Variants in BID observed in about 807,000 individuals in gnomAD.
BID encodes BH3-interacting domain death agonist.
In BID, 19 loss-of-function variants were observed where a neutral mutation model predicts 17.4. The observed-to-expected ratio is 1.09, with a 90% CI of 0.76 to 1.60. The LOEUF (loss-of-function observed/expected upper bound fraction) is 1.60. Ranked by LOEUF, BID falls within the 40% of genes most tolerant of loss-of-function variation. The pLI, the probability that BID is intolerant of heterozygous loss-of-function variation, is 0.00. For synonymous variants in BID, 108 were observed against 102.8 expected (o/e 1.05, Z -0.31); for missense variants, 226 against 256.0 (o/e 0.88, Z 0.80).
At chr22:17,748,159 A>G (rs1213371349) in intron 2 of BID, among the ~76,000 whole-genome samples, 3 of 149,508 alleles carry the variant, frequency 2.0e-5, no homozygotes, top group Non-Finnish European at 3.0e-5. Flanking sequence ...CAGTGAGCGG[A>G]GATCACATCA....
At chr22:17,743,445 T>C (rs963372881) in intron 3 of BID, among the ~76,000 whole-genome samples, 1 of 152,256 alleles carries the variant, frequency 6.6e-6, no homozygotes, top group African/African-American at 2.4e-5. Flanking sequence ...TTGGGTTATA[T>C]AATCCAGACA....
intron 2 of BID, among the ~76,000 whole-genome samples, chr22:17,745,327 T>A (rs2061488377): frequency 6.6e-6 from 1 of 151,970 alleles, no homozygotes; most frequent in African/African-American, 2.4e-5. Context: ...CCTTGGCCTC[T>A]CAAAGTGCTG....
In BID at chr22:17,735,201, A is replaced by AATT. The variant is rs776421618; in HGVS notation, c.*376_*378dup. The stretch of plus-strand genomic sequence containing the variant: ...CTATGGTTGTACTTTAATAAACAGT[A>AATT]ATTTTTTTTTACCAAAAAAATTGTA... On this transcript the variant is annotated 3_prime_UTR_variant, in exon 6 of 6. Transcript: ENST00000622694. 1.8e-5 allele frequency: 4 copies of AATT among 224,792 alleles called. No homozygotes were observed. The highest frequency in any genetic ancestry group is 2.7e-5 in the Non-Finnish European group (3 of 112,622). 13.9% of individuals were successfully genotyped at this position (224,792 alleles called of 1,614,324 possible).
intron 5 of BID, among the ~76,000 whole-genome samples, chr22:17,736,164 A>C (rs1309993170): frequency 6.6e-6 from 1 of 152,206 alleles, no homozygotes; most frequent in Non-Finnish European, 1.5e-5. Flanking sequence ...ACATGTCATA[A>C]AATCCCAAAC....
At chr22:17,766,341 G>A (rs1476026370) in intron 1 of BID, among the ~76,000 whole-genome samples, 1 of 149,964 alleles carries the variant, frequency 6.7e-6, no homozygotes, top group African/African-American at 2.5e-5. Context: ...GAGTGCAGTG[G>A]CGCGATCTCA....
At chr22:17,763,038 G>A (rs1464599319) in intron 1 of BID, among the ~76,000 whole-genome samples, 1 of 151,666 alleles carries the variant, frequency 6.6e-6, no homozygotes, top group Non-Finnish European at 1.5e-5. Context: ...CACCTCATCC[G>A]GCTAATTTTT....
chr22:17,769,123 G>A lies in BID; in HGVS notation c.-59+5258C>T, dbSNP rs2061700925. Among the ~76,000 whole-genome samples the A allele has an allele frequency of 6.6e-6, 1 of 152,250 alleles. No homozygotes were observed. Among genetic ancestry groups the A allele is most frequent in the South Asian group, 2.1e-4 (1 of 4,838 alleles). ...AGGCTTTCACCACATCCCAGGCAGA[G>A]TCCAAGTCAGGGCAGAGCCTCACAG... On this transcript the variant is annotated intron_variant, in intron 1 of 5. Transcript: ENST00000622694. The surrounding 1 kb of genome is among the most constrained non-coding windows in gnomAD (Gnocchi z 4.8).
chr22:17,752,516 C>T (rs2061547025), intron 1 of BID, among the ~76,000 whole-genome samples: 1 of 152,220 alleles, frequency 6.6e-6, no homozygotes, highest in Non-Finnish European at 1.5e-5. Context: ...ATACCACTGA[C>T]CCATACCGAT....
intron 3 of BID, chr22:17,740,172 C>T (rs780775569): frequency 9.3e-6 from 15 of 1,611,566 alleles, no homozygotes; most frequent in Middle Eastern, 1.6e-4. Context: ...TATTGTCTGA[C>T]GCCCCTGCCA....
At chr22:17,765,352 T>C (rs1176687364) in intron 1 of BID, among the ~76,000 whole-genome samples, 4 of 152,216 alleles carry the variant, frequency 2.6e-5, no homozygotes, top group Non-Finnish European at 4.4e-5. Flanking sequence ...CAGGCCAAGA[T>C]ACGGCCTCTT....
At position 17,735,305 on chromosome 22, in the gene BID, G is replaced by A. The variant is rs181869684; in HGVS notation, c.*275C>T. The A allele has an allele frequency of 4.6e-5, 21 of 454,978 alleles. No homozygotes were observed. The highest frequency in any genetic ancestry group is 7.4e-5 in the Non-Finnish European group (19 of 255,538). 28.2% of individuals were successfully genotyped at this position (454,978 alleles called of 1,614,324 possible). ...CCTGCACAGTGGAAATAAAGGCACC[G>A]TGTGTAGATTTACAGATGTGCAGAT... On this transcript the variant is annotated 3_prime_UTR_variant, in exon 6 of 6. Transcript: ENST00000622694.
chr22:17,774,268 G>C (rs1464003173), intron 1 of BID, 113 bp downstream of exon 1: 1 of 151,950 alleles, frequency 6.6e-6, no homozygotes, highest in African/African-American at 2.4e-5. Flanking sequence ...CTCCCACCGC[G>C]GTCGGGCCCA....
intron 3 of BID, among the ~76,000 whole-genome samples, chr22:17,742,093 T>G (rs1343181552): frequency 1.3e-5 from 2 of 152,118 alleles, no homozygotes; most frequent in Non-Finnish European, 2.9e-5. Context: ...TCCAGCCGAG[T>G]GAACGGACTC....
Position 17,735,484 on chromosome 22 carries a change from C to T in BID, c.*96G>A, listed in dbSNP as rs1271950245. On this transcript the variant is annotated 3_prime_UTR_variant, in exon 6 of 6. Transcript: ENST00000622694. ...TCTTCCAGCCTGTCTTCTCTAGGAA[C>T]GCTGTTGACATGCCAGGGCTCCGTC... 9.1e-6 allele frequency: 13 copies of T among 1,430,848 alleles called. No individual in the cohort carries two copies. The highest frequency in any genetic ancestry group is 2.3e-5 in the South Asian group (2 of 85,928). 88.6% of individuals were successfully genotyped at this position (1,430,848 alleles called of 1,614,324 possible). A position where few individuals can be genotyped will look rare whatever the true frequency, so the allele number is the denominator to read the frequency against.
intron 2 of BID, among the ~76,000 whole-genome samples, chr22:17,746,697 A>G (rs937469329): frequency 5.9e-5 from 9 of 152,352 alleles, no homozygotes; most frequent in African/African-American, 2.2e-4. Context: ...CCTAAATCCA[A>G]TGACTGGTGT....
At chr22:17,755,059 G>A (rs1359173886) in intron 1 of BID, among the ~76,000 whole-genome samples, 1 of 150,274 alleles carries the variant, frequency 6.7e-6, no homozygotes, top group Non-Finnish European at 1.5e-5. Context: ...ACCGTGCCTG[G>A]CCTGAATTTC....
intron 1 of BID, among the ~76,000 whole-genome samples, chr22:17,758,254 G>A (rs1180740702): frequency 2.0e-5 from 3 of 152,198 alleles, no homozygotes; most frequent in Non-Finnish European, 2.9e-5. Flanking sequence ...CCGAGACCTC[G>A]CAGGCACTGA....
intron 5 of BID, among the ~76,000 whole-genome samples, chr22:17,737,803 A>G (rs1006701161): frequency 6.6e-6 from 1 of 152,186 alleles, no homozygotes; most frequent in African/African-American, 2.4e-5. Flanking sequence ...CATGTCTCCA[A>G]TAGTAAGCTG....
intron 1 of BID, among the ~76,000 whole-genome samples, chr22:17,770,274 C>T (rs965298422): frequency 1.3e-5 from 2 of 152,144 alleles, no homozygotes; most frequent in African/African-American, 4.8e-5. Context: ...CAGGTCATGT[C>T]GGGCTTTGAA....
Sources: gnomAD v4.1 joint callset for allele counts (sites outside exome capture counted in the v4.1 genomes callset) on GRCh38, gnomAD v4.1.1 for gene constraint, Gnocchi (gnomAD v3.1) non-coding constraint, MANE v1.5 for transcripts, NCBI Gene and HGNC (gene_info 2026-07-23, HGNC 2026-07-21) for gene names.